The following LIPI variants were observed in gnomAD, a reference collection of about 807,000 sequenced individuals.
LIPI encodes lipase member I.
Under a neutral mutation model 50.6 loss-of-function variants are expected in LIPI, and 59 were observed. That is an observed-to-expected ratio of 1.16 (90% CI 0.94 to 1.45). The LOEUF is 1.45. LIPI is among the 40% of genes most tolerant of loss of function. The pLI, the probability that LIPI is intolerant of heterozygous loss-of-function variation, is 0.00. For synonymous variants in LIPI, 203 were observed against 178.2 expected, an observed-to-expected ratio of 1.14 and a Z score of -1.11; for missense variants, 586 against 536.3, an observed-to-expected ratio of 1.09 and a Z score of -0.92.
At chr21:14,174,264 G>C (rs2019017583) in intron 4 of LIPI, among the ~76,000 whole-genome samples, 1 of 152,098 alleles carries the variant, frequency 6.6e-6, no homozygotes, top group South Asian at 2.1e-4. Context: ...GGTCTGCTTA[G>C]ATCATTCATT....
At chr21:14,184,243 G>C (rs571891015) in intron 3 of LIPI, among the ~76,000 whole-genome samples, 1 of 151,910 alleles carries the variant, frequency 6.6e-6, no homozygotes, top group Admixed American at 6.6e-5. Context: ...ACCAAACACC[G>C]CATGTTCTCA....
At chr21:14,125,955 G>A (rs932107608) in intron 9 of LIPI, among the ~76,000 whole-genome samples, 9 of 151,996 alleles carry the variant, frequency 5.9e-5, no homozygotes, top group Non-Finnish European at 1.0e-4. Context: ...TTTTTCATTT[G>A]AGACATGGAA....
intron 9 of LIPI, among the ~76,000 whole-genome samples, chr21:14,128,539 G>A (rs1175246369): frequency 1.3e-5 from 2 of 152,002 alleles, no homozygotes; most frequent in Non-Finnish European, 2.9e-5. Flanking sequence ...TTGTAATGTA[G>A]TAGACACCAA....
chr21:14,206,910 C>T (rs1487606937), intron 1 of LIPI: 2 of 1,606,802 alleles, frequency 1.2e-6, no homozygotes, highest in Admixed American at 1.7e-5. Flanking sequence ...ATTATGTAAA[C>T]ATTTGAGCAA....
chr21:14,166,313 T>C (rs1268888286), intron 5 of LIPI, 49 bp downstream of exon 5: 2 of 1,035,906 alleles, frequency 1.9e-6, no homozygotes, highest in South Asian at 2.5e-5. Context: ...TTATTTTCTT[T>C]CATCATTTCG....
Position 14,189,392 on chromosome 21 carries a change from G to C in LIPI, c.74C>G (p.Ser25Cys), listed in dbSNP as rs372915025. 8 of 1,612,692 alleles carry C rather than the reference G, an allele frequency of 5.0e-6. No individual in the cohort carries two copies. Among genetic ancestry groups the C allele is most frequent in the African/African-American group, 4.0e-5 (3 of 74,900 alleles). The part of the protein sequence containing the change: ...SDNKRPCLEF[S>C]QLSVKDSFRD... The stretch of plus-strand genomic sequence containing the variant: ...GAAGGAATCCTTTACACTTAGCTGA[G>C]AGAATTCAAGGCATGGTCTTTTATT... The change falls in exon 2 of 10, where the codon TCT becomes TGT. Residue 25 changes from serine to cysteine, a missense_variant. Coordinates refer to ENST00000681601, the MANE Select transcript of LIPI (RefSeq NM_001302998.2).
intron 4 of LIPI, among the ~76,000 whole-genome samples, chr21:14,167,902 T>A (rs1404199865): frequency 1.3e-5 from 2 of 152,030 alleles, no homozygotes; most frequent in Non-Finnish European, 2.9e-5. Context: ...AGGCTTCAGA[T>A]GATCAAATTA....
At chr21:14,198,014 C>A (rs1468732352) in intron 1 of LIPI, among the ~76,000 whole-genome samples, 1 of 152,014 alleles carries the variant, frequency 6.6e-6, no homozygotes, top group African/African-American at 2.4e-5. Flanking sequence ...CATATCTGGG[C>A]AAACTAAGCT....
Position 14,177,815 on chromosome 21 carries a change from G to A in LIPI, c.643+3943C>T, listed in dbSNP as rs1056746291. On this transcript the variant is annotated intron_variant, in intron 4 of 9. Transcript: ENST00000681601. ...TATGCTTAGATTTAACTAGTTCATT[G>A]TTCTTCCTTCCAAAATAGCCACAAT... 3.3e-5 allele frequency among the ~76,000 whole-genome samples: 5 copies of A among 152,000 alleles called. 1 individual carries two copies. The highest frequency in any genetic ancestry group is 7.4e-5 in the Non-Finnish European group (5 of 67,908).
In LIPI at chr21:14,126,690, T is replaced by G. The variant is rs980423595; in HGVS notation, c.1296-17610A>C. Among the ~76,000 whole-genome samples, 13 of 152,338 alleles carry G rather than the reference T, an allele frequency of 8.5e-5. 2 individuals are homozygous for G. Among genetic ancestry groups the G allele is most frequent in the East Asian group, 7.7e-4 (4 of 5,186 alleles). On this transcript the variant is annotated intron_variant, in intron 9 of 9. Transcript: ENST00000681601. Reference sequence around the variant, plus strand: ...GGTTTAAGAGAGGATATGCATAAACTATATGTAAATAGTACATACTTTTAT... The same window carrying G: ...GGTTTAAGAGAGGATATGCATAAACGATATGTAAATAGTACATACTTTTAT...
chr21:14,181,700 A>G, intron 4 of LIPI, 58 bp downstream of exon 4: 2 of 1,004,208 alleles, frequency 2.0e-6, no homozygotes, highest in Non-Finnish European at 3.2e-6. Context: ...CTCTTGCCCA[A>G]GGTCTACATT....
intron 4 of LIPI, among the ~76,000 whole-genome samples, chr21:14,167,900 G>T (rs141050800): frequency 6.6e-6 from 1 of 152,346 alleles, no homozygotes; most frequent in African/African-American, 2.4e-5. Flanking sequence ...GAAGGCTTCA[G>T]ATGATCAAAT....
intron 1 of LIPI, among the ~76,000 whole-genome samples, chr21:14,209,344 C>T (rs1042475808): frequency 1.3e-5 from 2 of 152,082 alleles, no homozygotes; most frequent in Non-Finnish European, 2.9e-5. Context: ...TGTTGACAAC[C>T]ATGAAACATG....
rs533819528 is a variant in LIPI, at chr21:14,172,833, T to A, written c.644-6382A>T. 1.3e-4 allele frequency among the ~76,000 whole-genome samples: 19 copies of A among 151,896 alleles called. No homozygotes were observed. In the South Asian group the frequency reaches 2.9e-3, roughly 23 times the overall value. On this transcript the variant is annotated intron_variant, in intron 4 of 9. Coordinates refer to ENST00000681601, the MANE Select transcript of LIPI (RefSeq NM_001302998.2). ...TATACATATGTAACTAACCTGCACA[T>A]TGTGCACATGTACCCTAAAACTTAA...
At chr21:14,200,751 GA>G (rs1043192765) in intron 1 of LIPI, among the ~76,000 whole-genome samples, 84 of 147,516 alleles carry the variant, frequency 5.7e-4, no homozygotes, top group East Asian at 9.9e-4. Context: ...CACAGAATGA[GA>G]AAAAAAAAAC....
At chr21:14,198,432 A>C (rs1012704338) in intron 1 of LIPI, among the ~76,000 whole-genome samples, 1 of 152,156 alleles carries the variant, frequency 6.6e-6, no homozygotes, top group African/African-American at 2.4e-5. Flanking sequence ...AGAATCTACC[A>C]AGCAAACATA....
chr21:14,118,821 C>G (rs1460847901), intron 9 of LIPI, among the ~76,000 whole-genome samples: 3 of 152,162 alleles, frequency 2.0e-5, no homozygotes, highest in Non-Finnish European at 4.4e-5. Context: ...CCCATTCCCA[C>G]AGAGGTTAAC....
chr21:14,170,345 T>A (rs545936164), intron 4 of LIPI, among the ~76,000 whole-genome samples: 3,114 of 152,128 alleles, frequency 0.02, 100 homozygotes, highest in African/African-American at 0.071. Flanking sequence ...AAAGAGGGAA[T>A]CCTCCCTAAC....
At chr21:14,185,194 T>C (rs2019409482) in intron 3 of LIPI, among the ~76,000 whole-genome samples, 1 of 152,212 alleles carries the variant, frequency 6.6e-6, no homozygotes, top group African/African-American at 2.4e-5. Flanking sequence ...AACTTTGTTA[T>C]AGAAATATGA....
Sources: allele counts gnomAD v4.1 joint callset (sites outside exome capture counted in the v4.1 genomes callset), GRCh38; gene constraint gnomAD v4.1.1; transcripts MANE v1.5; gene names NCBI Gene and HGNC (gene_info 2026-07-23, HGNC 2026-07-21).